ZFYVE28: variants seen among roughly 807,000 people sequenced by gnomAD.
ZFYVE28 encodes the protein lateral signaling target protein 2 homolog.
A neutral mutation model predicts 82.1 loss-of-function variants in ZFYVE28; 40 were observed. The ratio of observed to expected loss-of-function variants is 0.49; its 90% CI spans 0.38 to 0.63. The LOEUF (loss-of-function observed/expected upper bound fraction) is 0.63. Ranked by LOEUF, ZFYVE28 falls within the 30% of genes least tolerant of loss-of-function variation. ZFYVE28 has a pLI of 0.00. For synonymous variants in ZFYVE28, 612 were observed against 546.1 expected (o/e 1.12, Z -1.68); for missense variants, 1,321 against 1,242.1 (o/e 1.06, Z -0.96).
chr4:2,316,843 C>G (rs1001216648), intron 7 of ZFYVE28, among the ~76,000 whole-genome samples: 3 of 152,106 alleles, frequency 2.0e-5, no homozygotes, highest in Non-Finnish European at 2.9e-5. Flanking sequence ...CAGGTGCGCA[C>G]CACCATGCCT....
intron 8 of ZFYVE28, among the ~76,000 whole-genome samples, chr4:2,281,972 C>T (rs1272462425): frequency 6.6e-5 from 10 of 152,326 alleles, no homozygotes; most frequent in Admixed American, 2.0e-4. Context: ...GGGTGAGATA[C>T]AGCCACAGCT....
intron 3 of ZFYVE28, among the ~76,000 whole-genome samples, chr4:2,340,970 A>G (rs1578172020): frequency 6.6e-6 from 1 of 151,644 alleles, no homozygotes; most frequent in Non-Finnish European, 1.5e-5. Context: ...GGGAGTCCGC[A>G]TGGTGGGGGC....
Position 2,341,572 on chromosome 4 carries a change from A to C in ZFYVE28, c.224T>G (p.Ile75Ser). The C allele has an allele frequency of 6.2e-7, 1 of 1,613,900 alleles. No homozygotes were observed. Among genetic ancestry groups the C allele is most frequent in the Non-Finnish European group, 8.5e-7 (1 of 1,179,930 alleles). Residue 75 changes from isoleucine to serine, a missense_variant, in exon 3 of 13, where the codon ATC (isoleucine) becomes AGC (serine). Coordinates refer to ENST00000290974, the MANE Select transcript of ZFYVE28 (RefSeq NM_020972.3). This position sits in a 1 kb window ranked among gnomAD's most constrained non-coding sequence, Gnocchi z 4.5. ...NIINQIMDEC[I>S]PQDRAPRDFC... Reference sequence around the variant, plus strand: ...ATCTCTGGGGGCGCGGTCCTGGGGGATGCACTCATCCATGATCTGGTTAAT... The same window carrying C: ...ATCTCTGGGGGCGCGGTCCTGGGGGCTGCACTCATCCATGATCTGGTTAAT...
chr4:2,364,746 G>C, intron 1 of ZFYVE28: 3 of 985,544 alleles, frequency 3.0e-6, no homozygotes, highest in Admixed American at 6.1e-5. Flanking sequence ...TGAGCATAAC[G>C]TTGTGCATTC....
At chr4:2,396,082 T>C (rs1318983270) in intron 1 of ZFYVE28, among the ~76,000 whole-genome samples, 1 of 135,936 alleles carries the variant, frequency 7.4e-6, no homozygotes, top group South Asian at 2.4e-4. Context: ...AAGGCGGGGG[T>C]GTCTGAGCTG....
At chr4:2,290,040 C>G (rs866368212) in intron 8 of ZFYVE28, among the ~76,000 whole-genome samples, 7 of 152,304 alleles carry the variant, frequency 4.6e-5, no homozygotes, top group African/African-American at 1.4e-4. Flanking sequence ...GAGGCCAGCC[C>G]AGCTCAACAA....
intron 8 of ZFYVE28, among the ~76,000 whole-genome samples, chr4:2,294,732 C>T (rs1213389893): frequency 6.6e-6 from 1 of 152,180 alleles, no homozygotes; most frequent in East Asian, 1.9e-4. Context: ...ACTATCAGTA[C>T]TCAATATGGA....
intron 1 of ZFYVE28, chr4:2,364,797 C>T (rs1482893263): frequency 3.0e-6 from 3 of 985,442 alleles, no homozygotes; most frequent in Non-Finnish European, 3.6e-6. Flanking sequence ...GGCCTCCGAG[C>T]GGGTGACTGG....
chr4:2,283,675 G>A (rs1219328818), intron 8 of ZFYVE28, among the ~76,000 whole-genome samples: 1 of 152,168 alleles, frequency 6.6e-6, no homozygotes, highest in Non-Finnish European at 1.5e-5. Context: ...GCCCTAAGGA[G>A]CTCACGATTT....
At chr4:2,359,477 C>T (rs747336481) in intron 1 of ZFYVE28, among the ~76,000 whole-genome samples, 2 of 152,126 alleles carry the variant, frequency 1.3e-5, no homozygotes, top group African/African-American at 2.4e-5. Context: ...GTCATCAGGG[C>T]GGGCCCTAAT....
intron 1 of ZFYVE28, among the ~76,000 whole-genome samples, chr4:2,356,723 C>A (rs181485093): frequency 6.6e-6 from 1 of 152,172 alleles, no homozygotes; most frequent in African/African-American, 2.4e-5. Context: ...TGCTCTACTG[C>A]GTGGAAGGAG....
At position 2,305,269 on chromosome 4, in the gene ZFYVE28, G is replaced by C. The variant is rs781600120; in HGVS notation, c.1071C>G (p.Ser357=). 1.5e-5 allele frequency: 24 copies of C among 1,612,872 alleles called. No individual in the cohort carries two copies. Among genetic ancestry groups the C allele is most frequent in the Non-Finnish European group, 2.0e-5 (24 of 1,179,964 alleles). The part of the protein sequence containing the change: ...RMVHRAGDEM[S]SLLSPPIACQ... The stretch of plus-strand genomic sequence containing the variant: ...AGGCAATGGGCGGTGAAAGCAAAGA[G>C]GACATCTCGTCCCCCGCCCTGTGGA... The change falls in exon 8 of 13, where the codon TCC becomes TCG. Residue 357 remains serine (S), a synonymous_variant. Coordinates refer to ENST00000290974, the MANE Select transcript of ZFYVE28 (RefSeq NM_020972.3).
At chr4:2,271,093 G>T (rs111688441) in intron 12 of ZFYVE28, 3 of 738,884 alleles carry the variant, frequency 4.1e-6, no homozygotes, top group Non-Finnish European at 6.5e-6. Context: ...TCTGTGGCTG[G>T]CTCTGCAGCA....
chr4:2,367,441 G>A (rs1727007241), intron 1 of ZFYVE28, among the ~76,000 whole-genome samples: 1 of 152,240 alleles, frequency 6.6e-6, no homozygotes, highest in Non-Finnish European at 1.5e-5. Flanking sequence ...TGAAAGGGTG[G>A]TGGGGATGGG....
rs185826305 is a variant in ZFYVE28, at chr4:2,332,473, C to T, written c.701+3232G>A. On this transcript the variant is annotated intron_variant, in intron 6 of 12. Coordinates refer to ENST00000290974, the MANE Select transcript of ZFYVE28 (RefSeq NM_020972.3). The surrounding 1 kb of genome is among the most constrained non-coding windows in gnomAD (Gnocchi z 4.7). ...CTCCCTCACGCCTTCAGCTCCTGTC[C>T]ACCCCATGGGGTCCCTGCACTGAGT... Among the ~76,000 whole-genome samples, 18 of 152,294 alleles carry T rather than the reference C, an allele frequency of 1.2e-4. No individual in the cohort carries two copies. The East Asian group carries it at 3.1e-3, about 26-fold the overall frequency.
At chr4:2,376,575 AGAGT>A (rs1200536159) in intron 1 of ZFYVE28, among the ~76,000 whole-genome samples, 7 of 152,082 alleles carry the variant, frequency 4.6e-5, no homozygotes, top group Non-Finnish European at 8.8e-5. Flanking sequence ...AGCAGGAGAG[AGAGT>A]GAGTGCCAGC....
chr4:2,304,007 C>A (rs598641), intron 8 of ZFYVE28, among the ~76,000 whole-genome samples: 1 of 152,062 alleles, frequency 6.6e-6, no homozygotes, highest in Non-Finnish European at 1.5e-5. Flanking sequence ...CTTGGCACTG[C>A]GCCCATGTCA....
At position 2,273,161 on chromosome 4, in the gene ZFYVE28, G is replaced by C. The variant is rs777895103; in HGVS notation, c.2323+12C>G. On this transcript the variant is annotated intron_variant, in intron 10 of 12. Coordinates refer to ENST00000290974, the MANE Select transcript of ZFYVE28 (RefSeq NM_020972.3). ...GCGCAGGCCTCAGAGCCCGTCCTGA[G>C]TGGGCACTCACCCTTCCTTAACTTT... 8.7e-6 allele frequency: 14 copies of C among 1,608,002 alleles called. No homozygotes were observed. The highest frequency in any genetic ancestry group is 4.0e-5 in the African/African-American group (3 of 74,976).
chr4:2,291,223 G>A (rs753692520), intron 8 of ZFYVE28, among the ~76,000 whole-genome samples: 15 of 152,354 alleles, frequency 9.8e-5, no homozygotes, highest in South Asian at 4.1e-4. Flanking sequence ...GCATCACCGC[G>A]GTTGAAACCC....
Sources: allele counts gnomAD v4.1 joint callset (sites outside exome capture counted in the v4.1 genomes callset), GRCh38; gene constraint gnomAD v4.1.1; non-coding constraint Gnocchi (gnomAD v3.1); transcripts MANE v1.5; gene names NCBI Gene and HGNC (gene_info 2026-07-23, HGNC 2026-07-21).